The following RAB3GAP2 variants were observed in gnomAD, a reference collection of about 807,000 sequenced individuals.
RAB3GAP2 encodes the protein rab3 GTPase-activating protein non-catalytic subunit.
A neutral mutation model predicts 185.3 loss-of-function variants in RAB3GAP2; 87 were observed. That is an observed-to-expected ratio of 0.47 (90% CI 0.39 to 0.56). The LOEUF is 0.56. Among genes scored for constraint, RAB3GAP2 ranks in the 20% least tolerant of loss-of-function variants. The pLI, the probability that RAB3GAP2 is intolerant of heterozygous loss-of-function variation, is 0.00. For missense variants in RAB3GAP2, 1,492 were observed against 1,638.2 expected (o/e 0.91, Z 1.54); for synonymous variants, 554 against 576.1 (o/e 0.96, Z 0.55).
At chr1:220,222,278 T>A (rs1386820833) in intron 2 of RAB3GAP2, among the ~76,000 whole-genome samples, 1 of 152,202 alleles carries the variant, frequency 6.6e-6, no homozygotes, top group African/African-American at 2.4e-5. Context: ...TTTCTTTTTT[T>A]AGATAGCAGA....
intron 9 of RAB3GAP2, among the ~76,000 whole-genome samples, chr1:220,199,708 C>T (rs1289331549): frequency 1.3e-5 from 2 of 152,156 alleles, no homozygotes; most frequent in Non-Finnish European, 2.9e-5. Context: ...TCCTTATTCT[C>T]ATTTCAGTAA....
At chr1:220,246,581 T>C (rs1272056688) in intron 1 of RAB3GAP2, among the ~76,000 whole-genome samples, 4 of 106,478 alleles carry the variant, frequency 3.8e-5, no homozygotes, top group Admixed American at 3.2e-4. Context: ...CATGGAATAC[T>C]ATGCAGCCAT....
At chr1:220,269,006 T>C (rs1660284312) in intron 1 of RAB3GAP2, among the ~76,000 whole-genome samples, 1 of 152,196 alleles carries the variant, frequency 6.6e-6, no homozygotes, top group Non-Finnish European at 1.5e-5. Flanking sequence ...TAACCACATG[T>C]GCCTAGAGGT....
chr1:220,210,692 C>A, intron 6 of RAB3GAP2, 109 bp downstream of exon 6: 1 of 1,226,834 alleles, frequency 8.2e-7, no homozygotes, highest in Non-Finnish European at 1.2e-6. Context: ...AAAGAATCAA[C>A]TACACATTTT....
intron 12 of RAB3GAP2, among the ~76,000 whole-genome samples, chr1:220,194,462 G>A (rs187275956): frequency 1.3e-5 from 2 of 151,720 alleles, no homozygotes; most frequent in African/African-American, 2.4e-5. Context: ...GTGCAATATC[G>A]GCTCACTGCA....
Position 220,191,154 on chromosome 1 carries a change from G to A in RAB3GAP2, c.1401C>T (p.Ile467=). 1 of 1,614,040 alleles carries A rather than the reference G, an allele frequency of 6.2e-7. No homozygotes were observed. Among genetic ancestry groups the A allele is most frequent in the Non-Finnish European group, 8.5e-7 (1 of 1,179,962 alleles). ...CTAAAATTCCCCTTCTTGGCGCATA[G>A]ATCACAAGGAATTGAGCTACTCGAC... ...GPSRVAQFLV[I]YAPRRGILEV... is the part of the protein sequence containing the mutation. Residue 467 remains isoleucine (I), a synonymous_variant, in exon 14 of 35, where the codon ATC becomes ATT. Transcript: ENST00000358951.
chr1:220,193,451 G>C, intron 12 of RAB3GAP2, 72 bp from the exon 13 acceptor site: 1 of 1,434,922 alleles, frequency 7.0e-7, no homozygotes, highest in Non-Finnish European at 9.6e-7. Context: ...ATAACGAAAT[G>C]CATAAATGAA....
intron 1 of RAB3GAP2, among the ~76,000 whole-genome samples, chr1:220,263,495 C>A (rs1660177483): frequency 1.3e-5 from 2 of 152,038 alleles, no homozygotes; most frequent in African/African-American, 4.8e-5. Context: ...CAATTTCATT[C>A]TTTTGCATAT....
intron 1 of RAB3GAP2, chr1:220,253,713 T>A: frequency 6.2e-7 from 1 of 1,609,828 alleles, no homozygotes; most frequent in South Asian, 1.1e-5. Flanking sequence ...ATTACAGTGG[T>A]TGGAATAAAA....
intron 9 of RAB3GAP2, 125 bp from the exon 10 acceptor site, chr1:220,196,523 C>A: frequency 9.9e-7 from 1 of 1,011,684 alleles, no homozygotes; most frequent in Non-Finnish European, 1.5e-6. Flanking sequence ...ATTTTAAAAG[C>A]TACAAAGTCA....
chr1:220,195,421 A>C (rs534126218), intron 10 of RAB3GAP2, 44 bp from the exon 11 acceptor site: 3 of 1,488,980 alleles, frequency 2.0e-6, no homozygotes, highest in South Asian at 1.1e-5. Context: ...GTAGCTTACA[A>C]AGAAACAAAC....
chr1:220,271,834 A>T (rs1444091272), intron 1 of RAB3GAP2, among the ~76,000 whole-genome samples: 1 of 149,000 alleles, frequency 6.7e-6, no homozygotes, highest in Non-Finnish European at 1.5e-5. Context: ...GGAGGATGCG[A>T]TCACGGAGCA....
chr1:220,150,451 CT>C lies in RAB3GAP2; in HGVS notation c.*799del, dbSNP rs35147354. On this transcript the variant is annotated 3_prime_UTR_variant, in exon 35 of 35. Transcript: ENST00000358951. ...GACTTAAAATTTTTAGTATCTTTGC[CT>C]TTTTTTTTTTTTTTTTTTTACATAA... 0.16 allele frequency: 20,702 copies of C among 125,480 alleles called. 2,067 individuals are homozygous for C. Among genetic ancestry groups the C allele is most frequent in the African/African-American group, 0.32 (10,944 of 34,550 alleles). 7.8% of individuals were successfully genotyped at this position (125,480 alleles called of 1,614,324 possible).
At chr1:220,209,224 T>C (rs946282302) in intron 7 of RAB3GAP2, among the ~76,000 whole-genome samples, 1 of 152,230 alleles carries the variant, frequency 6.6e-6, no homozygotes, top group Admixed American at 6.5e-5. Context: ...TTTCTCTCAT[T>C]TCCTGAATCA....
At chr1:220,187,982 C>T (rs940547252) in intron 17 of RAB3GAP2, among the ~76,000 whole-genome samples, 2 of 151,786 alleles carry the variant, frequency 1.3e-5, no homozygotes, top group South Asian at 4.1e-4. Context: ...GGACTGAGCT[C>T]TTAACCTGTC....
intron 21 of RAB3GAP2, among the ~76,000 whole-genome samples, chr1:220,179,096 T>G (rs1658350771): frequency 6.6e-6 from 1 of 151,824 alleles, no homozygotes; most frequent in Admixed American, 6.6e-5. Flanking sequence ...TGTACCTATA[T>G]CAGACAGAAT....
At chr1:220,230,566 T>C (rs1390333725) in intron 2 of RAB3GAP2, among the ~76,000 whole-genome samples, 3 of 152,198 alleles carry the variant, frequency 2.0e-5, no homozygotes, top group Non-Finnish European at 4.4e-5. Context: ...TCCATACATC[T>C]CTATTACATG....
intron 1 of RAB3GAP2, among the ~76,000 whole-genome samples, chr1:220,271,890 G>C (rs1334182410): frequency 7.6e-6 from 1 of 130,862 alleles, no homozygotes; most frequent in Non-Finnish European, 1.6e-5. Flanking sequence ...ATGGGAGACG[G>C]AGAAGATACT....
intron 21 of RAB3GAP2, among the ~76,000 whole-genome samples, chr1:220,180,166 A>C (rs968353588): frequency 1.3e-5 from 2 of 152,150 alleles, no homozygotes; most frequent in Non-Finnish European, 2.9e-5. Context: ...GTCTCAAAAA[A>C]AAAGAAAAGA....
Sources: gnomAD v4.1 joint callset for allele counts (sites outside exome capture counted in the v4.1 genomes callset) on GRCh38, gnomAD v4.1.1 for gene constraint, MANE v1.5 for transcripts, NCBI Gene and HGNC (gene_info 2026-07-23, HGNC 2026-07-21) for gene names.